The following ARID5B variants were observed in gnomAD, a reference collection of about 807,000 sequenced individuals.
The protein encoded by ARID5B is AT-rich interactive domain-containing protein 5B.
Under a neutral mutation model 97.2 loss-of-function variants are expected in ARID5B, and 13 were observed. The observed-to-expected ratio is 0.13, with a 90% CI of 0.09 to 0.21. ARID5B has a LOEUF of 0.21. ARID5B is among the 10% of genes least tolerant of loss of function. The probability of loss-of-function intolerance (pLI) is 1.00; values close to 1 mark genes in which losing one functional copy is unlikely to be tolerated. For synonymous variants in ARID5B, 556 were observed against 570.3 expected (o/e 0.97, Z 0.36); for missense variants, 1,210 against 1,465.3 (o/e 0.83, Z 2.84).
intron 3 of ARID5B, among the ~76,000 whole-genome samples, chr10:61,958,391 G>A (rs368819065): frequency 2.0e-5 from 3 of 152,114 alleles, no homozygotes; most frequent in East Asian, 3.9e-4. Flanking sequence ...ACCGCGCCCG[G>A]CTAATTTTTG....
At chr10:61,989,128 G>A (rs184276542) in intron 3 of ARID5B, among the ~76,000 whole-genome samples, 216 of 151,672 alleles carry the variant, frequency 1.4e-3, no homozygotes, top group Non-Finnish European at 2.7e-3. Context: ...ACGGGGTTTC[G>A]CTGTATTAGC....
chr10:61,917,888 C>T (rs565253574), intron 2 of ARID5B, among the ~76,000 whole-genome samples: 1 of 152,042 alleles, frequency 6.6e-6, no homozygotes, highest in Non-Finnish European at 1.5e-5. Context: ...GAGGCAGGGA[C>T]CAGCTGTGGA....
At chr10:61,940,948 T>C (rs1844391119) in intron 3 of ARID5B, among the ~76,000 whole-genome samples, 7 of 11,962 alleles carry the variant, frequency 5.9e-4, no homozygotes, top group Non-Finnish European at 9.7e-4. Context: ...TATATATATA[T>C]ATATATATAT....
At chr10:61,908,626 C>T (rs976257231) in intron 2 of ARID5B, among the ~76,000 whole-genome samples, 7 of 151,746 alleles carry the variant, frequency 4.6e-5, no homozygotes, top group South Asian at 2.1e-4. Flanking sequence ...GGTGAAACCC[C>T]GTCTCTACTA....
chr10:62,049,224 C>T, intron 4 of ARID5B: 1 of 1,358,468 alleles, frequency 7.4e-7, no homozygotes, highest in Non-Finnish European at 9.5e-7. Flanking sequence ...GCCCTCCCTG[C>T]CAGTCTGGCA....
intron 2 of ARID5B, among the ~76,000 whole-genome samples, chr10:61,931,662 A>G (rs1336990316): frequency 6.6e-6 from 1 of 152,216 alleles, no homozygotes; most frequent in East Asian, 1.9e-4. Context: ...AAATAACCAA[A>G]TGGGCAGAAG....
At chr10:61,980,474 A>C (rs1838762261) in intron 3 of ARID5B, among the ~76,000 whole-genome samples, 1 of 152,246 alleles carries the variant, frequency 6.6e-6, no homozygotes, top group Non-Finnish European at 1.5e-5. Flanking sequence ...TAATCAATAA[A>C]AAATTTCCTG....
intron 4 of ARID5B, among the ~76,000 whole-genome samples, chr10:62,031,877 G>A (rs1276005754): frequency 6.6e-6 from 1 of 152,122 alleles, no homozygotes; most frequent in Middle Eastern, 3.2e-3. Context: ...ATTTTCAATT[G>A]ATGATAAGAA....
At chr10:61,990,926 C>T (rs186285368) in intron 3 of ARID5B, among the ~76,000 whole-genome samples, 10 of 152,176 alleles carry the variant, frequency 6.6e-5, no homozygotes, top group Admixed American at 5.9e-4. Flanking sequence ...TTCCAACCCT[C>T]CTAGACCCCC....
At position 62,091,644 on chromosome 10, in the gene ARID5B, C is replaced by T; in HGVS notation, c.2181C>T (p.Asp727=). The change falls in exon 10 of 10, where the codon GAC becomes GAT. Residue 727 remains aspartate, a synonymous_variant. Transcript: ENST00000279873. The part of the protein sequence containing the change: ...ISKKKLIARD[D]LCSSLSQTHH... ...AAAAGAAACTGATTGCTAGGGATGACTTGTGTTCCAGTTTGTCCCAGACCC... is the reference window on the plus strand; with the variant it reads ...AAAAGAAACTGATTGCTAGGGATGATTTGTGTTCCAGTTTGTCCCAGACCC... 6.2e-7 allele frequency: 1 copy of T among 1,614,144 alleles called. No individual in the cohort carries two copies. Among genetic ancestry groups the T allele is most frequent in the Non-Finnish European group, 8.5e-7 (1 of 1,180,024 alleles).
At chr10:62,013,426 A>G (rs1011438247) in intron 4 of ARID5B, among the ~76,000 whole-genome samples, 2 of 152,172 alleles carry the variant, frequency 1.3e-5, no homozygotes, top group African/African-American at 4.8e-5. Context: ...ATTACCTCAC[A>G]TACTTAACTT....
chr10:62,072,899 T>G (rs1840083181), intron 8 of ARID5B, among the ~76,000 whole-genome samples: 2 of 152,216 alleles, frequency 1.3e-5, no homozygotes, highest in African/African-American at 4.8e-5. Flanking sequence ...GACATGCACA[T>G]ATATCCAAGA....
intron 3 of ARID5B, among the ~76,000 whole-genome samples, chr10:61,957,492 C>A (rs889010868): frequency 5.9e-5 from 9 of 152,204 alleles, no homozygotes; most frequent in African/African-American, 2.2e-4. Context: ...TGGTCTCGAA[C>A]TCGTGGCCTC....
intron 3 of ARID5B, among the ~76,000 whole-genome samples, chr10:61,967,378 G>C (rs1171090596): frequency 6.6e-6 from 1 of 152,194 alleles, no homozygotes; most frequent in Non-Finnish European, 1.5e-5. Context: ...TTAGTTCAAA[G>C]TAAATTTTTA....
In ARID5B at chr10:62,096,612, G is replaced by GTGT. The variant is rs373113833; in HGVS notation, c.*3586_*3588dup. ...TGTTTATACTTTTTTAAACTTTCCT[G>GTGT]TGTTGTAAATATTGTATACTTTTGG... On this transcript the variant is annotated 3_prime_UTR_variant, in exon 10 of 10. Coordinates refer to ENST00000279873, the MANE Select transcript of ARID5B (RefSeq NM_032199.3). The GTGT allele has an allele frequency of 3.9e-5, 9 of 233,416 alleles. No homozygotes were observed. Among genetic ancestry groups the GTGT allele is most frequent in the Middle Eastern group, 1.2e-3 (1 of 806 alleles). The allele number at this position is 233,416 out of a possible 1,614,324, so 14.5% of individuals were successfully genotyped here.
chr10:61,979,486 C>T (rs148946723), intron 3 of ARID5B, among the ~76,000 whole-genome samples: 1 of 152,252 alleles, frequency 6.6e-6, no homozygotes, highest in Non-Finnish European at 1.5e-5. Context: ...CAAACACTAA[C>T]GTCATCACTC....
intron 4 of ARID5B, among the ~76,000 whole-genome samples, chr10:62,047,943 G>A (rs181343177): frequency 3.3e-5 from 5 of 152,154 alleles, no homozygotes; most frequent in Admixed American, 6.5e-5. Flanking sequence ...CCCCCACCCC[G>A]TACTTTGAAT....
In ARID5B at chr10:62,052,928, T is replaced by G. The variant is rs190946971; in HGVS notation, c.846+1928T>G. Among the ~76,000 whole-genome samples the G allele has an allele frequency of 1.2e-4, 19 of 152,310 alleles. No individual in the cohort carries two copies. The East Asian group carries it at 3.5e-3, about 28-fold the overall frequency. ...GCTTGGCTCTTTTCAGAGTCTTGGATTACAGTCATGCCTTGGCTGCTTCCA... is the reference window on the plus strand; with the variant it reads ...GCTTGGCTCTTTTCAGAGTCTTGGAGTACAGTCATGCCTTGGCTGCTTCCA... On this transcript the variant is annotated intron_variant, in intron 5 of 9. Transcript: ENST00000279873.
At chr10:62,009,366 T>C (rs1212155125) in intron 4 of ARID5B, among the ~76,000 whole-genome samples, 1 of 152,210 alleles carries the variant, frequency 6.6e-6, no homozygotes, top group African/African-American at 2.4e-5. Context: ...CAACTATGTT[T>C]AAGGCAGAAC....
Sources: gnomAD v4.1 joint callset for allele counts (sites outside exome capture counted in the v4.1 genomes callset) on GRCh38, gnomAD v4.1.1 for gene constraint, MANE v1.5 for transcripts, NCBI Gene and HGNC (gene_info 2026-07-23, HGNC 2026-07-21) for gene names.